Variants in FBXO9 observed in about 807,000 individuals in gnomAD.
FBXO9 encodes the protein F-box only protein 9.
In FBXO9, 43 loss-of-function variants were observed where a neutral mutation model predicts 63.7. The observed-to-expected ratio is 0.67, with a 90% CI of 0.53 to 0.87. The LOEUF is 0.87. Among genes scored for constraint, FBXO9 ranks in the 40% least tolerant of loss-of-function variants. FBXO9 has a pLI of 0.00. For missense variants in FBXO9, 442 were observed against 533.2 expected, an observed-to-expected ratio of 0.83 and a Z score of 1.68; for synonymous variants, 156 against 171.7, an observed-to-expected ratio of 0.91 and a Z score of 0.72.
intron 5 of FBXO9, among the ~76,000 whole-genome samples, chr6:53,080,742 T>G (rs753402585): frequency 2.0e-5 from 3 of 152,268 alleles, no homozygotes; most frequent in Non-Finnish European, 2.9e-5. Context: ...CCAAAAATTC[T>G]AATTCTTTCT....
Position 53,099,452 on chromosome 6 carries a change from GA to G in FBXO9, c.*1623del, listed in dbSNP as rs1477127093. On this transcript the variant is annotated 3_prime_UTR_variant, in exon 13 of 13. Transcript: ENST00000323557. ...AGGTGAAATGTGCATACAGAAGGAA[GA>G]GAGTTGGCCAGGTGTGGTGACTCAC... 1.3e-5 allele frequency: 2 copies of G among 152,044 alleles called. No homozygotes were observed. The highest frequency in any genetic ancestry group is 3.9e-4 in the East Asian group (2 of 5,158). The allele number at this position is 152,044 out of a possible 1,614,324, so 9.4% of individuals were successfully genotyped here.
At chr6:53,069,519 C>T (rs1381537873) in intron 1 of FBXO9, among the ~76,000 whole-genome samples, 1 of 152,152 alleles carries the variant, frequency 6.6e-6, no homozygotes, top group Non-Finnish European at 1.5e-5. Context: ...ACCTATGAGG[C>T]AGTCTTGCAA....
rs1768904779 is a variant in FBXO9, at chr6:53,071,222, A to G, written c.90+79A>G. ...GCAGAAATTGATCATAATCATGGGT[A>G]TTTGTAGGTTATTACTGTTTGCATG... On this transcript the variant is annotated intron_variant, in intron 2 of 12. Transcript: ENST00000323557. 9 of 1,349,728 alleles carry G rather than the reference A, an allele frequency of 6.7e-6. No individual in the cohort carries two copies. In the East Asian group the frequency reaches 1.3e-4, roughly 19 times the overall value. The allele number at this position is 1,349,728 out of a possible 1,614,324, so 83.6% of individuals were successfully genotyped here. A position where few individuals can be genotyped will look rare whatever the true frequency, so the allele number is the denominator to read the frequency against.
Sources: allele counts gnomAD v4.1 joint callset (sites outside exome capture counted in the v4.1 genomes callset), GRCh38; gene constraint gnomAD v4.1.1; transcripts MANE v1.5; gene names NCBI Gene and HGNC (gene_info 2026-07-23, HGNC 2026-07-21).